PTPRG: variants seen among roughly 807,000 people sequenced by gnomAD.
The protein encoded by PTPRG is receptor-type tyrosine-protein phosphatase gamma.
PTPRG carries 102 observed loss-of-function variants against 165.3 expected under a neutral mutation model. That is an observed-to-expected ratio of 0.62 (90% confidence interval 0.53 to 0.73). The LOEUF is 0.73. PTPRG is among the 30% of genes least tolerant of loss of function. The pLI is 0.00. For synonymous variants in PTPRG, 675 were observed against 669.5 expected, an observed-to-expected ratio of 1.01 and a Z score of -0.13; for missense variants, 1,866 against 1,861.4, an observed-to-expected ratio of 1.00 and a Z score of -0.05.
At chr3:61,863,494 A>G (rs551147585) in intron 2 of PTPRG, among the ~76,000 whole-genome samples, 1 of 152,268 alleles carries the variant, frequency 6.6e-6, no homozygotes, top group African/African-American at 2.4e-5. Flanking sequence ...AGATCCCAGT[A>G]GCCTAGACTT....
intron 2 of PTPRG, among the ~76,000 whole-genome samples, chr3:61,904,947 G>A (rs879406174): frequency 5.0e-4 from 76 of 151,472 alleles, no homozygotes; most frequent in Non-Finnish European, 7.5e-4. Flanking sequence ...TGTTGTAAAT[G>A]GGTAGAAAAT....
Position 61,621,044 on chromosome 3 carries a change from T to C in PTPRG, c.85+58672T>C, listed in dbSNP as rs1234223152. Among the ~76,000 whole-genome samples, 16 of 135,416 alleles carry C rather than the reference T, an allele frequency of 1.2e-4. 1 individual carries two copies. The East Asian group carries it at 3.1e-3, about 26-fold the overall frequency. The allele number at this position is 135,416 out of a possible 152,430, so 88.8% of individuals were successfully genotyped here. On this transcript the variant is annotated intron_variant, in intron 1 of 29. Coordinates refer to ENST00000474889, the MANE Select transcript of PTPRG (RefSeq NM_002841.4). ...CCCAGTGTGTGTGTGTATATATATATATATATATGTGTGTGTGTGTGTGTG... is the reference window on the plus strand; with the variant it reads ...CCCAGTGTGTGTGTGTATATATATACATATATATGTGTGTGTGTGTGTGTG...
At chr3:62,128,288 G>A (rs17066146) in intron 5 of PTPRG, among the ~76,000 whole-genome samples, 7,137 of 152,120 alleles carry the variant, frequency 0.047, 370 homozygotes, top group African/African-American at 0.14. Context: ...TGCCTTCTCC[G>A]TATTACTGCA....
intron 1 of PTPRG, among the ~76,000 whole-genome samples, chr3:61,658,855 G>A (rs1702584028): frequency 6.6e-6 from 1 of 152,180 alleles, no homozygotes; most frequent in South Asian, 2.1e-4. Flanking sequence ...TAGAAACATA[G>A]TTATACGCCT....
chr3:61,621,051 A>ATATATATATATATATGTGTGTGTGTG lies in PTPRG; in HGVS notation c.85+58680_85+58681insATATATATATATATGTGTGTGTGTGT. ...TGTGTGTGTATATATATATATATAT[A>ATATATATATATATATGTGTGTGTGTG]TGTGTGTGTGTGTGTGTGTGTGTGT... is the stretch of plus-strand genomic sequence containing the variant. On this transcript the variant is annotated intron_variant, in intron 1 of 29. Transcript: ENST00000474889. 4.0e-3 allele frequency among the ~76,000 whole-genome samples: 473 copies of ATATATATATATATATGTGTGTGTGTG among 117,804 alleles called. 4 individuals carry two copies. Among genetic ancestry groups the ATATATATATATATATGTGTGTGTGTG allele is most frequent in the Non-Finnish European group, 5.6e-3 (311 of 55,312 alleles). 77.3% of individuals were successfully genotyped at this position (117,804 alleles called of 152,430 possible).
chr3:61,631,841 CA>C (rs1241280101), intron 1 of PTPRG, among the ~76,000 whole-genome samples: 1 of 152,056 alleles, frequency 6.6e-6, no homozygotes, highest in Admixed American at 6.6e-5. Flanking sequence ...CAGATATAAA[CA>C]AGATGTGGAA....
At chr3:61,855,671 T>TA (rs763695265) in intron 2 of PTPRG, among the ~76,000 whole-genome samples, 1 of 139,808 alleles carries the variant, frequency 7.2e-6, no homozygotes, top group African/African-American at 2.7e-5. Context: ...TTTTTTTTTT[T>TA]AAAAGCAAAG....
At chr3:61,834,180 TCC>T (rs1396510529) in intron 2 of PTPRG, among the ~76,000 whole-genome samples, 1 of 152,208 alleles carries the variant, frequency 6.6e-6, no homozygotes, top group Non-Finnish European at 1.5e-5. Flanking sequence ...ATGTTGCCTC[TCC>T]TGAGTCATTT....
At chr3:61,734,280 CCTA>C (rs2032632875) in intron 1 of PTPRG, among the ~76,000 whole-genome samples, 2 of 152,106 alleles carry the variant, frequency 1.3e-5, no homozygotes, top group Non-Finnish European at 2.9e-5. Flanking sequence ...TTTTTTCTCT[CCTA>C]CTTTTTGGTT....
chr3:62,256,548 C>T (rs2106990238), intron 16 of PTPRG, among the ~76,000 whole-genome samples: 1 of 152,262 alleles, frequency 6.6e-6, no homozygotes, highest in Non-Finnish European at 1.5e-5. Flanking sequence ...CTACAAAGAA[C>T]ATGGTTTAAG....
intron 1 of PTPRG, among the ~76,000 whole-genome samples, chr3:61,647,529 G>T (rs933982372): frequency 2.6e-5 from 4 of 152,228 alleles, no homozygotes; most frequent in Non-Finnish European, 5.9e-5. Context: ...AGTGGCTCAC[G>T]CCTGTAATCC....
chr3:61,595,956 G>T (rs984050835), intron 1 of PTPRG, among the ~76,000 whole-genome samples: 1 of 152,144 alleles, frequency 6.6e-6, no homozygotes, highest in African/African-American at 2.4e-5. Flanking sequence ...TGAAAAGAAA[G>T]CTCCACCACC....
At chr3:62,116,194 G>A (rs931929) in intron 5 of PTPRG, among the ~76,000 whole-genome samples, 109,483 of 151,860 alleles carry the variant, frequency 0.72, 39,752 homozygotes, top group Middle Eastern at 0.79. Flanking sequence ...GCACTTGCCT[G>A]TGAGGTTCTG....
intron 3 of PTPRG, among the ~76,000 whole-genome samples, chr3:61,995,184 G>A (rs1284779384): frequency 1.4e-5 from 2 of 146,830 alleles, no homozygotes; most frequent in Non-Finnish European, 3.0e-5. Context: ...CGTCTCCTAG[G>A]TTCAAGTGAT....
chr3:61,746,997 G>A (rs1426791588), intron 1 of PTPRG, among the ~76,000 whole-genome samples: 1 of 152,118 alleles, frequency 6.6e-6, no homozygotes, highest in Non-Finnish European at 1.5e-5. Context: ...AGTGGCATGC[G>A]CTGATGGTCC....
At position 62,286,449 on chromosome 3, in the gene PTPRG, C is replaced by T. The variant is rs1702663548; in HGVS notation, c.4055+3580C>T. On this transcript the variant is annotated intron_variant, in intron 28 of 29. Transcript: ENST00000474889. Reference sequence around the variant, plus strand: ...GATTTTAAAAACAACGTATTAAAAGCTACAATAATAAGTAAATATATGAAA... The same window carrying T: ...GATTTTAAAAACAACGTATTAAAAGTTACAATAATAAGTAAATATATGAAA... Among the ~76,000 whole-genome samples, 5 of 151,858 alleles carry T rather than the reference C, an allele frequency of 3.3e-5. No individual in the cohort carries two copies. The South Asian group carries it at 1.0e-3, about 32-fold the overall frequency.
At chr3:61,881,020 C>G (rs905743420) in intron 2 of PTPRG, among the ~76,000 whole-genome samples, 5 of 149,420 alleles carry the variant, frequency 3.3e-5, no homozygotes, top group Non-Finnish European at 5.9e-5. Context: ...TTGTTACCCT[C>G]TTGGCATTCT....
chr3:61,871,704 G>C (rs1205934629), intron 2 of PTPRG, among the ~76,000 whole-genome samples: 4 of 152,110 alleles, frequency 2.6e-5, no homozygotes, highest in Non-Finnish European at 1.5e-5. Flanking sequence ...ACTCATCTTG[G>C]GTTCCACTTC....
chr3:62,283,603 C>A (rs1702530085), intron 28 of PTPRG, among the ~76,000 whole-genome samples: 1 of 152,062 alleles, frequency 6.6e-6, no homozygotes, highest in Non-Finnish European at 1.5e-5. Context: ...TTATACATTC[C>A]CATTTTTATT....
Sources: gnomAD v4.1 joint callset for allele counts (sites outside exome capture counted in the v4.1 genomes callset) on GRCh38, gnomAD v4.1.1 for gene constraint, MANE v1.5 for transcripts, NCBI Gene and HGNC (gene_info 2026-07-23, HGNC 2026-07-21) for gene names.